The following CNBD1 variants were observed in gnomAD, a reference collection of about 807,000 sequenced individuals.
CNBD1 encodes the protein cyclic nucleotide binding domain containing 1.
A neutral mutation model predicts 54.4 loss-of-function variants in CNBD1; 71 were observed. That is an observed-to-expected ratio of 1.30 (90% CI 1.08 to 1.59). CNBD1 has a LOEUF of 1.59. Among genes scored for constraint, CNBD1 ranks in the 40% most tolerant of loss-of-function variants. The pLI is 0.00. For synonymous variants in CNBD1, 182 were observed against 170.7 expected, an observed-to-expected ratio of 1.07 and a Z score of -0.51; for missense variants, 659 against 518.0, an observed-to-expected ratio of 1.27 and a Z score of -2.64.
chr8:87,193,571 A>G (rs188762485), intron 4 of CNBD1, among the ~76,000 whole-genome samples: 2 of 152,324 alleles, frequency 1.3e-5, no homozygotes, highest in Admixed American at 6.5e-5. Flanking sequence ...TTGAGAAGTA[A>G]CAATAATCAG....
intron 4 of CNBD1, among the ~76,000 whole-genome samples, chr8:87,202,982 C>CA (rs1813895564): frequency 6.6e-6 from 1 of 152,100 alleles, no homozygotes; most frequent in Admixed American, 6.6e-5. Context: ...TGAAAAATCA[C>CA]AAAAAATTTT....
intron 4 of CNBD1, among the ~76,000 whole-genome samples, chr8:87,083,830 C>A (rs1200166059): frequency 6.6e-6 from 1 of 151,928 alleles, no homozygotes; most frequent in Admixed American, 6.6e-5. Flanking sequence ...CCTCGTGATC[C>A]GCCTGCCTCG....
intron 8 of CNBD1, among the ~76,000 whole-genome samples, chr8:87,340,040 G>T (rs1354239269): frequency 6.6e-6 from 1 of 152,072 alleles, no homozygotes; most frequent in African/African-American, 2.4e-5. Flanking sequence ...TTAACTTGAA[G>T]GACTCCCTTT....
intron 10 of CNBD1, among the ~76,000 whole-genome samples, chr8:87,359,919 A>C (rs1354260392): frequency 6.6e-6 from 1 of 152,030 alleles, no homozygotes; most frequent in Non-Finnish European, 1.5e-5. Context: ...AGAATCCTCA[A>C]TTATTAGTTG....
rs761899073 is a variant in CNBD1 at position 87,182,303 on chromosome 8, G to T, written c.432-23690G>T. Among the ~76,000 whole-genome samples, 2 of 151,960 alleles carry T rather than the reference G, an allele frequency of 1.3e-5. No individual in the cohort carries two copies. Among genetic ancestry groups the T allele is most frequent in the Non-Finnish European group, 2.9e-5 (2 of 67,976 alleles). On this transcript the variant is annotated intron_variant, in intron 4 of 10. Coordinates refer to ENST00000518476, the MANE Select transcript of CNBD1 (RefSeq NM_173538.3). This position sits in a 1 kb window ranked among gnomAD's most constrained non-coding sequence, Gnocchi z 4.1. ...TCTTTATCCAGTTTACCATTGATGG[G>T]TATTTAGGTTGATTCCATGTCTTTG...
At chr8:87,086,555 A>G (rs1811099994) in intron 4 of CNBD1, among the ~76,000 whole-genome samples, 1 of 152,232 alleles carries the variant, frequency 6.6e-6, no homozygotes, top group South Asian at 2.1e-4. Context: ...TAAGTATATG[A>G]AGATATTGCT....
chr8:87,141,664 A>G (rs1812372776), intron 4 of CNBD1, among the ~76,000 whole-genome samples: 1 of 152,110 alleles, frequency 6.6e-6, no homozygotes, highest in African/African-American at 2.4e-5. Context: ...GGGTGAAGAT[A>G]TAAAAGATTT....
intron 8 of CNBD1, among the ~76,000 whole-genome samples, chr8:87,335,883 C>A (rs1809936282): frequency 6.6e-6 from 1 of 152,162 alleles, no homozygotes; most frequent in Non-Finnish European, 1.5e-5. Flanking sequence ...TTCAGGAACT[C>A]TTGCAAGGCA....
chr8:86,930,780 G>A (rs1165200680), intron 3 of CNBD1, among the ~76,000 whole-genome samples: 2 of 152,052 alleles, frequency 1.3e-5, no homozygotes, highest in Admixed American at 1.3e-4. Context: ...GGTGTTGCAG[G>A]GACTCCTGCA....
chr8:87,175,469 G>T (rs1299376578), intron 4 of CNBD1, among the ~76,000 whole-genome samples: 1 of 152,102 alleles, frequency 6.6e-6, no homozygotes, highest in Admixed American at 6.6e-5. Flanking sequence ...GATGAATCCT[G>T]CCAGGACTAG....
intron 4 of CNBD1, among the ~76,000 whole-genome samples, chr8:87,085,496 G>A (rs1422530746): frequency 6.6e-6 from 1 of 152,090 alleles, no homozygotes; most frequent in Non-Finnish European, 1.5e-5. Context: ...ATGAGGGATT[G>A]AGCTAATATA....
chr8:86,976,104 T>G (rs1442001318), intron 4 of CNBD1, among the ~76,000 whole-genome samples: 2 of 151,796 alleles, frequency 1.3e-5, no homozygotes, highest in African/African-American at 2.4e-5. Context: ...GTAATTTGAG[T>G]TTCTTATATA....
At chr8:87,190,056 C>T (rs959021015) in intron 4 of CNBD1, among the ~76,000 whole-genome samples, 1 of 152,124 alleles carries the variant, frequency 6.6e-6, no homozygotes, top group Non-Finnish European at 1.5e-5. Context: ...GCTTCTAAAA[C>T]TATTAAGAAG....
At chr8:87,376,143 G>A (rs899291405) in intron 10 of CNBD1, among the ~76,000 whole-genome samples, 1 of 151,874 alleles carries the variant, frequency 6.6e-6, no homozygotes, top group Admixed American at 6.6e-5. Flanking sequence ...GTTTAGATGA[G>A]CTCTCAGTTC....
intron 2 of CNBD1, among the ~76,000 whole-genome samples, chr8:87,398,000 A>G (rs986090316): frequency 1.3e-5 from 2 of 151,866 alleles, no homozygotes; most frequent in Admixed American, 6.6e-5. Flanking sequence ...GCCATGTGGA[A>G]CTGTAAGTCC....
chr8:87,081,944 C>T (rs919323031), intron 4 of CNBD1, among the ~76,000 whole-genome samples: 1 of 152,182 alleles, frequency 6.6e-6, no homozygotes, highest in African/African-American at 2.4e-5. Flanking sequence ...GTTTATTCCT[C>T]CTTGCAGTTC....
chr8:87,325,111 C>T (rs1425837259), intron 8 of CNBD1, among the ~76,000 whole-genome samples: 2 of 95,578 alleles, frequency 2.1e-5, no homozygotes, highest in South Asian at 2.7e-4. Context: ...AGTTGGGCGG[C>T]TTTGAGTGAG....
In CNBD1 at chr8:86,866,455, C is replaced by G. The variant is rs372865624; in HGVS notation, c.-41C>G. 209 of 1,477,836 alleles carry G rather than the reference C, an allele frequency of 1.4e-4. 1 individual carries two copies. In the African/African-American group the frequency reaches 2.4e-3, roughly 17 times the overall value. 91.5% of individuals were successfully genotyped at this position (1,477,836 alleles called of 1,614,324 possible). The stretch of plus-strand genomic sequence containing the variant: ...AGGCAAAGAGTGATCATTTGCCTCT[C>G]AAGCAGCCTCTGGTCATCTATCTGC... On this transcript the variant is annotated 5_prime_UTR_variant, in exon 1 of 11. Coordinates refer to ENST00000518476, the MANE Select transcript of CNBD1 (RefSeq NM_173538.3).
At chr8:87,261,895 C>T (rs749457229) in intron 6 of CNBD1, among the ~76,000 whole-genome samples, 11 of 151,696 alleles carry the variant, frequency 7.3e-5, no homozygotes, top group East Asian at 3.9e-4. Context: ...CCTATAATCC[C>T]GGCACTTCGG....
Sources: gnomAD v4.1 joint callset for allele counts (sites outside exome capture counted in the v4.1 genomes callset) on GRCh38, gnomAD v4.1.1 for gene constraint, Gnocchi (gnomAD v3.1) non-coding constraint, MANE v1.5 for transcripts, NCBI Gene and HGNC (gene_info 2026-07-23, HGNC 2026-07-21) for gene names.